HIF3A: variants seen among roughly 807,000 people sequenced by gnomAD.
The protein encoded by HIF3A is hypoxia inducible factor 3 subunit alpha, also known as hypoxia-inducible factor 3-alpha.
In HIF3A, 41 loss-of-function variants were observed where a neutral mutation model predicts 67.2. That is an observed-to-expected ratio of 0.61 (90% confidence interval 0.48 to 0.79). The LOEUF is 0.79. Ranked by LOEUF, HIF3A falls within the 30% of genes least tolerant of loss-of-function variation. The probability of loss-of-function intolerance (pLI) is 0.00; values close to 1 mark genes in which losing one functional copy is unlikely to be tolerated. For synonymous variants in HIF3A, 356 were observed against 374.8 expected (o/e 0.95, Z 0.58); for missense variants, 855 against 898.0 (o/e 0.95, Z 0.61).
At chr19:46,298,218 T>TCTCCCCC in intron 1 of HIF3A, 2 of 245,964 alleles carry the variant, frequency 8.1e-6, no homozygotes, top group Non-Finnish European at 1.6e-5. Flanking sequence ...GCCCCCATCC[T>TCTCCCCC]CTCCCCTGTC....
intron 6 of HIF3A, among the ~76,000 whole-genome samples, chr19:46,309,863 A>G (rs11879304): frequency 0.68 from 102,780 of 151,782 alleles, 35,558 homozygotes; most frequent in Non-Finnish European, 0.77. Flanking sequence ...GATGCGGGAG[A>G]ATTGCTTGAG....
In HIF3A at chr19:46,335,283, T is replaced by TA. The variant is rs59391762; in HGVS notation, c.1912+297_1912+298insA. 5.9e-3 allele frequency among the ~76,000 whole-genome samples: 889 copies of TA among 151,460 alleles called. 10 individuals are homozygous for TA. The highest frequency in any genetic ancestry group is 0.019 in the African/African-American group (772 of 41,182). ...TTATTTATTTATTTATTTATTTATT[T>TA]TTTGAGATGAAGTCTCACTCTTGTC... is the stretch of plus-strand genomic sequence containing the variant. On this transcript the variant is annotated intron_variant, in intron 14 of 14. Transcript: ENST00000377670.
At chr19:46,327,135 C>T (rs1488745256) in intron 11 of HIF3A, among the ~76,000 whole-genome samples, 1 of 151,592 alleles carries the variant, frequency 6.6e-6, no homozygotes, top group Non-Finnish European at 1.5e-5. Context: ...AGCCTGATGA[C>T]AGAGCTAGAC....
intron 6 of HIF3A, among the ~76,000 whole-genome samples, chr19:46,309,977 C>A (rs899586418): frequency 3.3e-5 from 5 of 152,120 alleles, no homozygotes; most frequent in Non-Finnish European, 7.3e-5. Context: ...GTAATCCCAG[C>A]ACTTTGGGAG....
At chr19:46,338,477 A>G (rs980538916) in intron 14 of HIF3A, 6 of 1,132,166 alleles carry the variant, frequency 5.3e-6, no homozygotes, top group Non-Finnish European at 6.6e-6. Context: ...TGCTGGGATT[A>G]CTGGTATGAA....
intron 11 of HIF3A, among the ~76,000 whole-genome samples, chr19:46,326,887 C>T (rs778143787): frequency 6.6e-6 from 1 of 152,164 alleles, no homozygotes; most frequent in African/African-American, 2.4e-5. Context: ...GGCGTGGTGG[C>T]TCACGCCTGT....
chr19:46,335,078 C>T, intron 14 of HIF3A, 92 bp downstream of exon 14: 3 of 953,716 alleles, frequency 3.1e-6, no homozygotes, highest in South Asian at 3.5e-5. Flanking sequence ...TGCTGGGGGA[C>T]TGTCAGTGCT....
intron 1 of HIF3A, among the ~76,000 whole-genome samples, chr19:46,301,687 G>A (rs1042982401): frequency 2.6e-5 from 4 of 151,898 alleles, no homozygotes; most frequent in South Asian, 2.1e-4. Flanking sequence ...TTAGCCGGGC[G>A]TGGTGGCAGA....
chr19:46,301,342 G>C (rs1381575283), intron 1 of HIF3A, among the ~76,000 whole-genome samples: 1 of 152,130 alleles, frequency 6.6e-6, no homozygotes, highest in African/African-American at 2.4e-5. Context: ...TTTAAGAAGG[G>C]ACAGTGTCCC....
intron 8 of HIF3A, chr19:46,320,074 A>G (rs1289510919): frequency 5.7e-6 from 1 of 174,596 alleles, no homozygotes; most frequent in African/African-American, 2.4e-5. Context: ...TACTAAAAAT[A>G]CAAAAATTAG....
At chr19:46,323,045 T>G (rs867236028) in intron 10 of HIF3A, among the ~76,000 whole-genome samples, 267 of 12,344 alleles carry the variant, frequency 0.022, 1 homozygote, top group African/African-American at 0.12. Flanking sequence ...GGACAGTGGT[T>G]TTTTTTTTGT....
rs554300220 is a variant in HIF3A at position 46,342,939 on chromosome 19, T to A, written c.*3317T>A. The stretch of plus-strand genomic sequence containing the variant: ...CCACCCCAGCCCTCCAGACATGCAC[T>A]TACCTTGACTTTACCCCACATGTTT... On this transcript the variant is annotated 3_prime_UTR_variant, in exon 15 of 15. Transcript: ENST00000377670. The A allele has an allele frequency of 9.2e-5, 14 of 152,428 alleles. No individual in the cohort carries two copies. The highest frequency in any genetic ancestry group is 2.9e-4 in the African/African-American group (12 of 41,528). 9.4% of individuals were successfully genotyped at this position (152,428 alleles called of 1,614,324 possible). A position where few individuals can be genotyped will look rare whatever the true frequency, so the allele number is the denominator to read the frequency against.
Position 46,333,159 on chromosome 19 carries a change from C to T in HIF3A, c.1831-1746C>T, listed in dbSNP as rs186747278. Among the ~76,000 whole-genome samples the T allele has an allele frequency of 1.6e-3, 243 of 152,268 alleles. 1 individual carries two copies. The highest frequency in any genetic ancestry group is 2.9e-3 in the Non-Finnish European group (197 of 68,016). On this transcript the variant is annotated intron_variant, in intron 13 of 14. Transcript: ENST00000377670. Reference sequence around the variant, plus strand: ...TTAACTTATTTAATCCCCACAACTACTATTGAAATGTTCTTGTTACTGTTA... The same window carrying T: ...TTAACTTATTTAATCCCCACAACTATTATTGAAATGTTCTTGTTACTGTTA...
chr19:46,339,574 G>GC lies in HIF3A; in HGVS notation c.1965dup (p.Gly656ArgfsTer14), dbSNP rs773128936. 2 of 1,609,148 alleles carry GC rather than the reference G, an allele frequency of 1.2e-6. No individual in the cohort carries two copies. Among genetic ancestry groups the GC allele is most frequent in the Non-Finnish European group, 1.7e-6 (2 of 1,177,094 alleles). On this transcript the variant is annotated frameshift_variant, in exon 15 of 15. Transcript: ENST00000377670. LOFTEE classifies it high-confidence loss of function. ...CGTACTCAGACGAGGACACTACCCA[G>GC]CCCGGGGGCCCCTTCCAGCCAAGGG...
At chr19:46,309,416 C>T (rs1969228211) in intron 6 of HIF3A, 57 bp downstream of exon 6, 1 of 1,069,194 alleles carries the variant, frequency 9.4e-7, no homozygotes. Flanking sequence ...TCCCTCCCCA[C>T]CTCCACACTC....
chr19:46,322,784 G>A (rs1970471988), intron 10 of HIF3A, among the ~76,000 whole-genome samples: 1 of 152,072 alleles, frequency 6.6e-6, no homozygotes, highest in Non-Finnish European at 1.5e-5. Context: ...CAGTAATCAG[G>A]ACAACACTTA....
At chr19:46,320,081 T>C (rs1052212957) in intron 8 of HIF3A, 4 of 176,322 alleles carry the variant, frequency 2.3e-5, no homozygotes, top group African/African-American at 9.6e-5. Flanking sequence ...AATACAAAAA[T>C]TAGCTGGGTA....
intron 11 of HIF3A, among the ~76,000 whole-genome samples, chr19:46,327,159 A>T (rs1970844974): frequency 6.6e-6 from 1 of 151,708 alleles, no homozygotes; most frequent in African/African-American, 2.4e-5. Context: ...TGTCCCAAAA[A>T]AAATATATAT....
At chr19:46,312,366 C>G (rs764357342) in intron 7 of HIF3A, 99 bp downstream of exon 7, 1 of 1,609,562 alleles carries the variant, frequency 6.2e-7, no homozygotes, top group African/African-American at 1.3e-5. Context: ...TGCACTGCCT[C>G]CCCACCTCAA....
Sources: gnomAD v4.1 joint callset for allele counts (sites outside exome capture counted in the v4.1 genomes callset) on GRCh38, gnomAD v4.1.1 for gene constraint, MANE v1.5 for transcripts, NCBI Gene and HGNC (gene_info 2026-07-23, HGNC 2026-07-21) for gene names.